The following RHBDF1 variants were observed in gnomAD, a reference collection of about 807,000 sequenced individuals.
RHBDF1 encodes the protein inactive rhomboid protein 1.
RHBDF1 carries 80 observed loss-of-function variants against 98.6 expected under a neutral mutation model. The ratio of observed to expected loss-of-function variants is 0.81; its 90% CI spans 0.68 to 0.98. The LOEUF (loss-of-function observed/expected upper bound fraction) is 0.98. Ranked by LOEUF, RHBDF1 falls within the 50% of genes least tolerant of loss-of-function variation. The probability of loss-of-function intolerance (pLI) is 0.00; values close to 1 mark genes in which losing one functional copy is unlikely to be tolerated. For missense variants in RHBDF1, 1,116 were observed against 1,198.3 expected, an observed-to-expected ratio of 0.93 and a Z score of 1.01; for synonymous variants, 512 against 486.8, an observed-to-expected ratio of 1.05 and a Z score of -0.68.
chr16:66,280 A>G (rs1046253452), intron 1 of RHBDF1, among the ~76,000 whole-genome samples: 2 of 152,114 alleles, frequency 1.3e-5, no homozygotes, highest in African/African-American at 4.8e-5. Flanking sequence ...GGCCCCAGAA[A>G]TGGCTTTCAC....
At position 63,611 on chromosome 16, in the gene RHBDF1, C is replaced by A; in HGVS notation, c.438G>T (p.Gly146=). 1 of 1,574,664 alleles carries A rather than the reference C, an allele frequency of 6.4e-7. No individual in the cohort carries two copies. Among genetic ancestry groups the A allele is most frequent in the Non-Finnish European group, 8.6e-7 (1 of 1,160,712 alleles). The change falls in exon 4 of 18, where the codon GGG becomes GGT. Residue 146 remains glycine, a synonymous_variant. Coordinates refer to ENST00000262316, the MANE Select transcript of RHBDF1 (RefSeq NM_022450.5). Reference sequence around the variant, plus strand: ...CCTTCTGCATGCCCAGCTGGCATGGCCCCACGTAGAGTGGGGGTGGCGTCT... The same window carrying A: ...CCTTCTGCATGCCCAGCTGGCATGGACCCACGTAGAGTGGGGGTGGCGTCT... ...STETPPPLYV[G]PCQLGMQKII... is the part of the protein sequence containing the mutation.
intron 14 of RHBDF1, 89 bp downstream of exon 14, chr16:59,643 T>A: frequency 6.6e-7 from 1 of 1,523,340 alleles, no homozygotes; most frequent in East Asian, 2.3e-5. Context: ...TATACTGGCT[T>A]ATTTCAGGAT....
At position 62,038 on chromosome 16, in the gene RHBDF1, C is replaced by G; in HGVS notation, c.968G>C (p.Gly323Ala). The G allele has an allele frequency of 6.7e-7, 1 of 1,499,550 alleles. No individual in the cohort carries two copies. The highest frequency in any genetic ancestry group is 2.4e-5 in the East Asian group (1 of 40,934). 92.9% of individuals were successfully genotyped at this position (1,499,550 alleles called of 1,614,324 possible). The change falls in exon 8 of 18, where the codon GGC (glycine) becomes GCC (alanine). Residue 323 changes from glycine to alanine, a missense_variant. Coordinates refer to ENST00000262316, the MANE Select transcript of RHBDF1 (RefSeq NM_022450.5). Reference sequence around the variant, plus strand: ...GGCGCCCTCCTTCTGCTTCCGCCAGCCTCGCTCCAAGGGCCTGGAGGGAGC... The same window carrying G: ...GGCGCCCTCCTTCTGCTTCCGCCAGGCTCGCTCCAAGGGCCTGGAGGGAGC... Reference protein sequence around the residue: ...RSHLMLPLERGWRKQKEGAAA... With the variant: ...RSHLMLPLERAWRKQKEGAAA...
In RHBDF1 at chr16:63,761, G is replaced by C. The variant is rs1224841492; in HGVS notation, c.288C>G (p.Asp96Glu). ...TCTTGCGCTGCCATTTCTGGGTGCTGTCACTGTCCTTGCTCACTCCAAACC... is the reference window on the plus strand; with the variant it reads ...TCTTGCGCTGCCATTTCTGGGTGCTCTCACTGTCCTTGCTCACTCCAAACC... Reference protein sequence around the residue: ...ADWFGVSKDSDSTQKWQRKSI... With the variant: ...ADWFGVSKDSESTQKWQRKSI... Residue 96 changes from aspartate (D) to glutamate (E), a missense_variant, in exon 4 of 18, where the codon GAC becomes GAG. Physicochemically the swap from Asp to Glu is conservative, Grantham distance 45 (BLOSUM62 2). Coordinates refer to ENST00000262316, the MANE Select transcript of RHBDF1 (RefSeq NM_022450.5). 6.2e-7 allele frequency: 1 copy of C among 1,614,006 alleles called. No individual in the cohort carries two copies. The highest frequency in any genetic ancestry group is 8.5e-7 in the Non-Finnish European group (1 of 1,179,970).
chr16:64,395 C>T, intron 3 of RHBDF1: 1 of 1,388,600 alleles, frequency 7.2e-7, no homozygotes, highest in African/African-American at 1.4e-5. Flanking sequence ...CCCGGGGACC[C>T]AAGAGGGGCA....
chr16:59,111 C>G lies in RHBDF1; in HGVS notation c.2011G>C (p.Val671Leu). The stretch of plus-strand genomic sequence containing the variant: ...ACAGTCATCTGGAAGCAGATGGACA[C>G]CAGGCAGTGCAAGATCCTGTAGTCA... ...FLHAGILHCL[V>L]SICFQMTVLR... The change falls in exon 17 of 18, where the codon GTG (valine) becomes CTG (leucine). Residue 671 changes from valine to leucine, a missense_variant. Transcript: ENST00000262316. 3 of 1,613,568 alleles carry G rather than the reference C, an allele frequency of 1.9e-6. No homozygotes were observed. The highest frequency in any genetic ancestry group is 2.5e-6 in the Non-Finnish European group (3 of 1,180,024).
In RHBDF1 at chr16:60,389, CGGGGAA is replaced by C. The variant is rs763516575; in HGVS notation, c.1658+44_1658+49del. On this transcript the variant is annotated intron_variant, in intron 12 of 17. Transcript: ENST00000262316. ...CCTACACCCTCTGCACCACAGCCCC[CGGGGAA>C]GGTGTGGACAAAGGCAGGTGAGAGA... 3.8e-6 allele frequency: 6 copies of C among 1,598,604 alleles called. No homozygotes were observed. In the Middle Eastern group the frequency reaches 5.0e-4, roughly 133 times the overall value.
chr16:59,092 A>G lies in RHBDF1; in HGVS notation c.2030T>C (p.Met677Thr). ...LHCLVSICFQMTVLRDLEKLA... is the reference protein window; with the variant it reads ...LHCLVSICFQTTVLRDLEKLA... ...CTTCTCCAGGTCCCGCAGGACAGTC[A>G]TCTGGAAGCAGATGGACACCAGGCA... Residue 677 changes from methionine (M) to threonine (T), a missense_variant, in exon 17 of 18, where the codon ATG becomes ACG. Coordinates refer to ENST00000262316, the MANE Select transcript of RHBDF1 (RefSeq NM_022450.5). 6.2e-7 allele frequency: 1 copy of G among 1,613,618 alleles called. No homozygotes were observed. Among genetic ancestry groups the G allele is most frequent in the Non-Finnish European group, 8.5e-7 (1 of 1,180,012 alleles).
chr16:73,483 C>G (rs940565815), upstream of RHBDF1, among the ~76,000 whole-genome samples: 2 of 152,176 alleles, frequency 1.3e-5, no homozygotes, highest in African/African-American at 4.8e-5. Context: ...CTGGGCTGGA[C>G]TCAAAATGGC....
chr16:72,121 G>A (rs1422419301), intron 1 of RHBDF1, among the ~76,000 whole-genome samples: 3 of 152,324 alleles, frequency 2.0e-5, no homozygotes, highest in South Asian at 2.1e-4. Flanking sequence ...TGCAGCGGGG[G>A]GAGTTCAGAG....
chr16:75,927 A>C (rs1222985950), upstream of RHBDF1, among the ~76,000 whole-genome samples: 2 of 152,162 alleles, frequency 1.3e-5, no homozygotes, highest in Non-Finnish European at 2.9e-5. Flanking sequence ...CCCTGGGGTC[A>C]TAAGGCTGAT....
chr16:61,159 GT>G lies in RHBDF1; in HGVS notation c.1517del (p.Asp506AlafsTer21). ...CCGAGGTCTGCACGCAGCCCGACCTGTCGTTGCGCACGCAGCAGGCGGAGTG... is the reference window on the plus strand; with the variant it reads ...CCGAGGTCTGCACGCAGCCCGACCTGCGTTGCGCACGCAGCAGGCGGAGTG... Reference protein sequence around the residue: ...EKHSACCVRNDRSGCVQTSEE... With the variant: ...EKHSACCVRNXRSGCVQTSEE... On this transcript the variant is annotated frameshift_variant, in exon 11 of 18. Transcript: ENST00000262316. LOFTEE classifies it high-confidence loss of function. The G allele has an allele frequency of 6.5e-7, 1 of 1,539,078 alleles. No individual in the cohort carries two copies. The highest frequency in any genetic ancestry group is 8.7e-7 in the Non-Finnish European group (1 of 1,145,088).
At chr16:65,960 G>A (rs1017800120) in intron 1 of RHBDF1, among the ~76,000 whole-genome samples, 5 of 152,236 alleles carry the variant, frequency 3.3e-5, no homozygotes, top group South Asian at 2.1e-4. Context: ...AGGGCCCCAC[G>A]GAAGGCCCCA....
At chr16:66,035 C>T (rs941814739) in intron 1 of RHBDF1, among the ~76,000 whole-genome samples, 13 of 152,342 alleles carry the variant, frequency 8.5e-5, no homozygotes, top group African/African-American at 3.1e-4. Context: ...GACTCCATTT[C>T]CCCCTTACAC....
At chr16:66,624 C>T (rs1897836720) in intron 1 of RHBDF1, among the ~76,000 whole-genome samples, 1 of 152,194 alleles carries the variant, frequency 6.6e-6, no homozygotes, top group Admixed American at 6.5e-5. Context: ...CTTACCCCAC[C>T]CCTCACGCTC....
chr16:75,286 C>T (rs115007213), upstream of RHBDF1, among the ~76,000 whole-genome samples: 4,884 of 152,234 alleles, frequency 0.032, 208 homozygotes, highest in South Asian at 0.16. Context: ...TTGTGGCCCT[C>T]ACACCAGGAC....
At chr16:64,173 A>G in intron 3 of RHBDF1, 1 of 1,076,466 alleles carries the variant, frequency 9.3e-7, no homozygotes, top group Non-Finnish European at 1.3e-6. Context: ...TTACGGGCCC[A>G]GGCAGGCTGT....
chr16:66,363 G>A (rs938725398), intron 1 of RHBDF1, among the ~76,000 whole-genome samples: 5 of 152,170 alleles, frequency 3.3e-5, no homozygotes, highest in Admixed American at 3.3e-4. Context: ...CTGAGGCCAG[G>A]AAACACAGGC....
Position 61,143 on chromosome 16 carries a change from G to A in RHBDF1, c.1534C>T (p.Gln512Ter), listed in dbSNP as rs976221912. 6.5e-7 allele frequency: 1 copy of A among 1,536,334 alleles called. No homozygotes were observed. Among genetic ancestry groups the A allele is most frequent in the Non-Finnish European group, 8.7e-7 (1 of 1,144,178 alleles). The change falls in exon 11 of 18, where the codon CAG (glutamine) becomes TAG (stop). Residue 512 changes from glutamine (Q) to a stop codon, truncating the protein, a stop_gained. Transcript: ENST00000262316. LOFTEE classifies it high-confidence loss of function. ...ACCGAGCACTCCTCCTCCGAGGTCTGCACGCAGCCCGACCTGTCGTTGCGC... is the reference window on the plus strand; with the variant it reads ...ACCGAGCACTCCTCCTCCGAGGTCTACACGCAGCCCGACCTGTCGTTGCGC... The part of the protein sequence containing the change: ...CVRNDRSGCV[Q>*]TSEEECSSTL...
Sources: allele counts gnomAD v4.1 joint callset (sites outside exome capture counted in the v4.1 genomes callset), GRCh38; gene constraint gnomAD v4.1.1; transcripts MANE v1.5; gene names NCBI Gene and HGNC (gene_info 2026-07-23, HGNC 2026-07-21).